Variants in CCDC102B observed in about 807,000 individuals in gnomAD.
CCDC102B encodes the protein coiled-coil domain containing 102B.
In CCDC102B, 75 loss-of-function variants were observed where a neutral mutation model predicts 57.4. The ratio of observed to expected loss-of-function variants is 1.31; its 90% CI spans 1.08 to 1.58. CCDC102B has a LOEUF of 1.58. Ranked by LOEUF, CCDC102B falls within the 40% of genes most tolerant of loss-of-function variation. The pLI, the probability that CCDC102B is intolerant of heterozygous loss-of-function variation, is 0.00. For synonymous variants in CCDC102B, 206 were observed against 201.9 expected, an observed-to-expected ratio of 1.02 and a Z score of -0.17; for missense variants, 636 against 582.6, an observed-to-expected ratio of 1.09 and a Z score of -0.94.
intron 1 of CCDC102B, among the ~76,000 whole-genome samples, chr18:68,808,850 G>A (rs1382691638): frequency 6.6e-6 from 1 of 152,078 alleles, no homozygotes; most frequent in Non-Finnish European, 1.5e-5. Flanking sequence ...TTGGTTTAAT[G>A]CCTTTATAGT....
chr18:68,970,251 G>T (rs74846122), intron 6 of CCDC102B, among the ~76,000 whole-genome samples: 2 of 151,912 alleles, frequency 1.3e-5, no homozygotes, highest in African/African-American at 4.8e-5. Flanking sequence ...TAGATAACAT[G>T]TATTTCCTAC....
intron 7 of CCDC102B, 72 bp downstream of exon 7, chr18:69,011,176 TC>T: frequency 7.4e-7 from 1 of 1,345,110 alleles, no homozygotes; most frequent in Non-Finnish European, 1.0e-6. Context: ...AAAGATTGTC[TC>T]CCTTATTAAC....
chr18:68,764,481 T>C (rs2034360237), intron 2 of CCDC102B, among the ~76,000 whole-genome samples: 1 of 152,186 alleles, frequency 6.6e-6, no homozygotes, highest in South Asian at 2.1e-4. Flanking sequence ...CCAGGTCCTC[T>C]GATTTAAATT....
chr18:68,980,978 G>A (rs1304788354), intron 6 of CCDC102B, among the ~76,000 whole-genome samples: 1 of 152,024 alleles, frequency 6.6e-6, no homozygotes, highest in Non-Finnish European at 1.5e-5. Flanking sequence ...GTCCCAATAA[G>A]GAGGCTATTG....
chr18:69,044,957 C>T (rs571333442), intron 7 of CCDC102B, among the ~76,000 whole-genome samples: 4 of 152,202 alleles, frequency 2.6e-5, no homozygotes, highest in Admixed American at 2.0e-4. Flanking sequence ...TCATGAGGCC[C>T]CTTTTCTTGG....
At chr18:68,827,737 CA>C (rs1299735288) in intron 1 of CCDC102B, among the ~76,000 whole-genome samples, 1 of 151,758 alleles carries the variant, frequency 6.6e-6, no homozygotes, top group African/African-American at 2.4e-5. Flanking sequence ...AGCAAACAAA[CA>C]AAAAGCATGA....
intron 2 of CCDC102B, among the ~76,000 whole-genome samples, chr18:68,746,723 G>T (rs528824663): frequency 6.6e-6 from 1 of 150,890 alleles, no homozygotes; most frequent in Non-Finnish European, 1.5e-5. Flanking sequence ...GTCATTATTG[G>T]GTTATCATCT....
chr18:68,732,584 C>T (rs1358341882), intron 2 of CCDC102B, among the ~76,000 whole-genome samples: 5 of 151,842 alleles, frequency 3.3e-5, no homozygotes, highest in African/African-American at 1.2e-4. Context: ...TGACCTCAGG[C>T]GATCTGCCTG....
intron 4 of CCDC102B, among the ~76,000 whole-genome samples, chr18:68,857,405 AATATAT>A (rs1287153765): frequency 8.0e-6 from 1 of 125,414 alleles, no homozygotes; most frequent in Non-Finnish European, 1.6e-5. Flanking sequence ...TAAATATATA[AATATAT>A]ATATTTATAT....
chr18:69,005,174 A>G (rs1200664670), intron 6 of CCDC102B, among the ~76,000 whole-genome samples: 1 of 152,148 alleles, frequency 6.6e-6, no homozygotes, highest in Admixed American at 6.5e-5. Flanking sequence ...TGATTGTGAT[A>G]ACAATCCAAT....
chr18:68,812,960 G>A (rs2036325644), intron 1 of CCDC102B, among the ~76,000 whole-genome samples: 1 of 151,982 alleles, frequency 6.6e-6, no homozygotes, highest in South Asian at 2.1e-4. Flanking sequence ...GCTGAGGTCA[G>A]AAAAGAGGAG....
chr18:68,770,440 T>G (rs958139672), intron 2 of CCDC102B, among the ~76,000 whole-genome samples: 1 of 152,190 alleles, frequency 6.6e-6, no homozygotes, highest in Non-Finnish European at 1.5e-5. Flanking sequence ...GGCTTAGAAA[T>G]AACAAGGTGC....
intron 4 of CCDC102B, among the ~76,000 whole-genome samples, chr18:68,868,982 G>A (rs886441377): frequency 2.6e-5 from 4 of 152,106 alleles, no homozygotes; most frequent in African/African-American, 4.8e-5. Context: ...ATGATTAAAC[G>A]GATGTTGCAA....
At chr18:68,740,032 C>G (rs2033315101) in intron 2 of CCDC102B, among the ~76,000 whole-genome samples, 1 of 152,198 alleles carries the variant, frequency 6.6e-6, no homozygotes, top group African/African-American at 2.4e-5. Context: ...TGTGTTATCT[C>G]TTAAGGAAGG....
intron 2 of CCDC102B, among the ~76,000 whole-genome samples, chr18:68,739,196 G>A (rs993180910): frequency 5.9e-5 from 9 of 152,012 alleles, no homozygotes; most frequent in Non-Finnish European, 2.9e-5. Context: ...GGTTTTCGCT[G>A]TGTTGGCCAG....
intron 6 of CCDC102B, among the ~76,000 whole-genome samples, chr18:68,982,347 A>G (rs1266270146): frequency 6.6e-6 from 1 of 151,994 alleles, no homozygotes; most frequent in Admixed American, 6.6e-5. Flanking sequence ...TTTTTTCATA[A>G]CCAATAATCA....
At chr18:69,051,267 A>G (rs2052698489) in intron 7 of CCDC102B, among the ~76,000 whole-genome samples, 1 of 152,116 alleles carries the variant, frequency 6.6e-6, no homozygotes, top group Non-Finnish European at 1.5e-5. Context: ...TTAAAGTATT[A>G]CTTTTAATGT....
intron 2 of CCDC102B, among the ~76,000 whole-genome samples, chr18:68,756,137 AT>A (rs1228028318): frequency 2.0e-5 from 3 of 151,802 alleles, no homozygotes; most frequent in African/African-American, 7.2e-5. Flanking sequence ...AATAAGTATT[AT>A]TTTGAATCAA....
chr18:68,740,778 T>G (rs1350789921), intron 2 of CCDC102B, among the ~76,000 whole-genome samples: 1 of 152,160 alleles, frequency 6.6e-6, no homozygotes, highest in Non-Finnish European at 1.5e-5. Flanking sequence ...GTTTCAATAA[T>G]AAAGTAATAT....
Sources: allele counts gnomAD v4.1 joint callset (sites outside exome capture counted in the v4.1 genomes callset), GRCh38; gene constraint gnomAD v4.1.1; transcripts MANE v1.5; gene names NCBI Gene and HGNC (gene_info 2026-07-23, HGNC 2026-07-21).